The following IPO5 variants were observed in gnomAD, a reference collection of about 807,000 sequenced individuals.
IPO5 encodes importin-5.
A neutral mutation model predicts 143.3 loss-of-function variants in IPO5; 18 were observed. The observed-to-expected ratio is 0.13, with a 90% CI of 0.09 to 0.19. IPO5 has a LOEUF of 0.19. Among genes scored for constraint, IPO5 ranks in the 10% least tolerant of loss-of-function variants. The pLI, the probability that IPO5 is intolerant of heterozygous loss-of-function variation, is 1.00. For synonymous variants in IPO5, 477 were observed against 465.7 expected (o/e 1.02, Z -0.31); for missense variants, 1,013 against 1,336.9 (o/e 0.76, Z 3.78).
Position 98,020,951 on chromosome 13 carries a change from T to A in IPO5, c.3066-41T>A, listed in dbSNP as rs201556633. On this transcript the variant is annotated intron_variant, in intron 27 of 28. Coordinates refer to ENST00000651721, the MANE Select transcript of IPO5 (RefSeq NM_002271.6). ...AGTGAACACATAATCATATTTCTCC[T>A]TATAAATTTCACTTACTAAGGTTTT... The A allele has an allele frequency of 4.7e-4, 716 of 1,537,550 alleles. 1 individual carries two copies. The highest frequency in any genetic ancestry group is 6.0e-4 in the Non-Finnish European group (669 of 1,122,090).
In IPO5 at chr13:98,010,260, A is replaced by T. The variant is rs1889585264; in HGVS notation, c.2055+36A>T. On this transcript the variant is annotated intron_variant, in intron 20 of 28. Transcript: ENST00000651721. ...ACTGTTTTTACTAAACTTTTATTTT[A>T]CATCTTATATACATTTCATATGAGT... 1.9e-5 allele frequency: 31 copies of T among 1,594,168 alleles called. No individual in the cohort carries two copies. The East Asian group carries it at 6.9e-4, about 36-fold the overall frequency.
At chr13:98,011,529 A>G (rs1164836907) in intron 20 of IPO5, among the ~76,000 whole-genome samples, 1 of 149,024 alleles carries the variant, frequency 6.7e-6, no homozygotes, top group Non-Finnish European at 1.5e-5. Context: ...TGACCTCGTG[A>G]TCCGTCTAAC....
chr13:98,013,231 A>T (rs1397552244), intron 21 of IPO5, among the ~76,000 whole-genome samples: 3 of 151,662 alleles, frequency 2.0e-5, no homozygotes, highest in Non-Finnish European at 4.4e-5. Context: ...AATTTTTTGT[A>T]TTTTTTGTTT....
intron 2 of IPO5, among the ~76,000 whole-genome samples, chr13:97,958,442 G>A (rs539852640): frequency 5.9e-5 from 9 of 152,134 alleles, no homozygotes; most frequent in East Asian, 3.9e-4. Context: ...CCCCACCATC[G>A]GGAGAGGACT....
intron 2 of IPO5, among the ~76,000 whole-genome samples, chr13:97,956,111 G>C (rs560121587): frequency 6.9e-6 from 1 of 144,638 alleles, no homozygotes; most frequent in Non-Finnish European, 1.5e-5. Context: ...CAGCCTGGGC[G>C]ACAGTGCGAG....
chr13:97,958,132 A>C lies in IPO5; in HGVS notation c.-113+3934A>C, dbSNP rs73556517. Among the ~76,000 whole-genome samples, 371 of 152,336 alleles carry C rather than the reference A, an allele frequency of 2.4e-3. 3 individuals carry two copies. The highest frequency in any genetic ancestry group is 8.5e-3 in the African/African-American group (352 of 41,580). On this transcript the variant is annotated intron_variant, in intron 2 of 28. Coordinates refer to ENST00000651721, the MANE Select transcript of IPO5 (RefSeq NM_002271.6). ...ACCTCCAGGGCCTGGCCTCAGGTGG[A>C]GTTGTCTTGCAGCTGATTGCTTGGC...
intron 18 of IPO5, 50 bp downstream of exon 18, chr13:98,008,192 G>A: frequency 9.3e-7 from 1 of 1,069,546 alleles, no homozygotes; most frequent in Non-Finnish European, 1.5e-6. Context: ...GTTGTGGACA[G>A]CACATGGTTC....
At position 98,008,133 on chromosome 13, in the gene IPO5, T is replaced by C; in HGVS notation, c.1791T>C (p.Asp597=). The change falls in exon 18 of 29, where the codon GAT becomes GAC. Residue 597 remains aspartate, a synonymous_variant. Coordinates refer to ENST00000651721, the MANE Select transcript of IPO5 (RefSeq NM_002271.6). ...CAGACTTCAATGATATGGAAGATGA[T>C]GATCCTCAGGTAAGTGGTCTTAATG... ...TQTDFNDMED[D]DPQISYMISA... 1 of 1,603,060 alleles carries C rather than the reference T, an allele frequency of 6.2e-7. No homozygotes were observed.
intron 24 of IPO5, among the ~76,000 whole-genome samples, chr13:98,016,113 TA>T (rs1171003828): frequency 1.3e-5 from 2 of 152,206 alleles, no homozygotes; most frequent in Non-Finnish European, 2.9e-5. Context: ...ATTCCAGTGT[TA>T]AATGATTGCC....
At chr13:98,019,255 T>G in intron 26 of IPO5, among the ~76,000 whole-genome samples, 1 of 152,106 alleles carries the variant, frequency 6.6e-6, no homozygotes, top group East Asian at 1.9e-4. Flanking sequence ...CCTGGCAGAA[T>G]AGGACTTTTA....
Position 98,002,310 on chromosome 13 carries a change from C to T in IPO5, c.1109-157C>T, listed in dbSNP as rs553441935. ...GATTACAGGCGCGAGCCACCGCGCC[C>T]GGCCTATACAAATGTTTTTATATTA... On this transcript the variant is annotated intron_variant, in intron 13 of 28. Coordinates refer to ENST00000651721, the MANE Select transcript of IPO5 (RefSeq NM_002271.6). 2.7e-4 allele frequency: 157 copies of T among 579,214 alleles called. No individual in the cohort carries two copies. In the African/African-American group the frequency reaches 2.7e-3, roughly 10 times the overall value. The allele number at this position is 579,214 out of a possible 1,614,324, so 35.9% of individuals were successfully genotyped here. A position where few individuals can be genotyped will look rare whatever the true frequency, so the allele number is the denominator to read the frequency against.
At chr13:97,967,027 C>T (rs1341830002) in intron 2 of IPO5, among the ~76,000 whole-genome samples, 4 of 152,116 alleles carry the variant, frequency 2.6e-5, no homozygotes, top group Non-Finnish European at 5.9e-5. Context: ...CAGAGCAAGA[C>T]TCTGTCTCAA....
At chr13:97,972,143 G>C (rs1478269306) in intron 3 of IPO5, among the ~76,000 whole-genome samples, 1 of 152,120 alleles carries the variant, frequency 6.6e-6, no homozygotes, top group Non-Finnish European at 1.5e-5. Context: ...CAACTACCAA[G>C]ATAAGGAGTC....
At chr13:97,970,865 G>T (rs987988698) in intron 3 of IPO5, among the ~76,000 whole-genome samples, 2 of 152,156 alleles carry the variant, frequency 1.3e-5, no homozygotes, top group African/African-American at 2.4e-5. Flanking sequence ...CTAACAGGTA[G>T]ATGTCCAATC....
chr13:97,981,343 A>G (rs572177485), intron 4 of IPO5: 1 of 444,274 alleles, frequency 2.3e-6, no homozygotes, highest in Admixed American at 2.5e-5. Context: ...GAGATTTTGA[A>G]TATGGTTGGC....
At chr13:97,986,320 T>C (rs1887338839) in intron 6 of IPO5, among the ~76,000 whole-genome samples, 1 of 152,124 alleles carries the variant, frequency 6.6e-6, no homozygotes, top group Admixed American at 6.6e-5. Context: ...GTGACAAATA[T>C]ATACATATAC....
chr13:97,972,059 G>C (rs1489010788), intron 3 of IPO5, among the ~76,000 whole-genome samples: 1 of 152,168 alleles, frequency 6.6e-6, no homozygotes, highest in Non-Finnish European at 1.5e-5. Flanking sequence ...TGTAGTTACA[G>C]ATTATAACAC....
intron 4 of IPO5, 96 bp from the exon 5 acceptor site, chr13:97,982,407 T>A (rs938828791): frequency 3.9e-6 from 3 of 773,916 alleles, no homozygotes; most frequent in Non-Finnish European, 6.5e-6. Context: ...GATTAAATAA[T>A]TTCTCATGCA....
intron 22 of IPO5, 97 bp from the exon 23 acceptor site, chr13:98,015,433 C>T: frequency 1.4e-6 from 1 of 692,998 alleles, no homozygotes; most frequent in Non-Finnish European, 2.6e-6. Flanking sequence ...GGATACTGAA[C>T]TGTGTTCATT....
Sources: gnomAD v4.1 joint callset for allele counts (sites outside exome capture counted in the v4.1 genomes callset) on GRCh38, gnomAD v4.1.1 for gene constraint, MANE v1.5 for transcripts, NCBI Gene and HGNC (gene_info 2026-07-23, HGNC 2026-07-21) for gene names.